Variants in POTEJ observed in about 807,000 individuals in gnomAD.
POTEJ encodes POTE ankyrin domain family, member J.
Under a neutral mutation model 69.0 loss-of-function variants are expected in POTEJ, and 11 were observed. The observed-to-expected ratio is 0.16, with a 90% CI of 0.10 to 0.26. The LOEUF (loss-of-function observed/expected upper bound fraction) is 0.26. POTEJ is among the 10% of genes least tolerant of loss of function. POTEJ has a pLI of 1.00. For synonymous variants in POTEJ, 117 were observed against 381.1 expected (o/e 0.31, Z 8.07); for missense variants, 327 against 1,045.5 (o/e 0.31, Z 9.48).
chr2:130,635,058 C>T (rs1404155296), intron 9 of POTEJ, among the ~76,000 whole-genome samples: 4 of 136,414 alleles, frequency 2.9e-5, no homozygotes, highest in African/African-American at 1.1e-4. Flanking sequence ...TTTCCTCCTG[C>T]ATTTCTAGTC....
At position 130,657,517 on chromosome 2, in the gene POTEJ, C is replaced by A. The variant is rs770768403; in HGVS notation, c.2757C>A (p.Arg919=). 8.3e-6 allele frequency: 13 copies of A among 1,568,646 alleles called. No individual in the cohort carries two copies. In the Admixed American group the frequency reaches 2.2e-4, roughly 27 times the overall value. The part of the protein sequence containing the change: ...QVITISNEWF[R]CPEALFQPCF... ...TCACCATCAGCAACGAGTGGTTCCG[C>A]TGCCCCGAGGCGCTCTTCCAGCCTT... Residue 919 remains arginine, a synonymous_variant, in exon 15 of 15, where the codon CGC becomes CGA. Transcript: ENST00000409602.
At chr2:130,624,387 G>C in intron 6 of POTEJ, among the ~76,000 whole-genome samples, 1 of 142,300 alleles carries the variant, frequency 7.0e-6, no homozygotes, top group Non-Finnish European at 1.5e-5. Context: ...GCAACTGGAT[G>C]GTCTCATCTG....
At chr2:130,640,561 G>A (rs1292230964) in intron 10 of POTEJ, among the ~76,000 whole-genome samples, 62 of 151,954 alleles carry the variant, frequency 4.1e-4, no homozygotes, top group East Asian at 1.9e-3. Context: ...TTTTATTCAC[G>A]TCTCCTTTCG....
At chr2:130,652,027 G>GT (rs1372932172) in intron 13 of POTEJ, among the ~76,000 whole-genome samples, 1 of 136,940 alleles carries the variant, frequency 7.3e-6, no homozygotes, top group Non-Finnish European at 1.5e-5. Flanking sequence ...ATGTCAAATT[G>GT]TAATTCCCAG....
Position 130,642,946 on chromosome 2 carries a change from A to G in POTEJ, c.1370-1037A>G, listed in dbSNP as rs1686446799. ...GTGTTCTAGAAAAGCCATCTCTGAC[A>G]GGCTTTATTTTAATTCTTTTTAAAC... On this transcript the variant is annotated intron_variant, in intron 10 of 14. Coordinates refer to ENST00000409602, the MANE Select transcript of POTEJ (RefSeq NM_001277083.2). 2.7e-5 allele frequency among the ~76,000 whole-genome samples: 4 copies of G among 150,446 alleles called. No homozygotes were observed. The South Asian group carries it at 8.4e-4, about 32-fold the overall frequency.
At chr2:130,636,507 G>C (rs1686098823) in intron 9 of POTEJ, among the ~76,000 whole-genome samples, 1 of 145,514 alleles carries the variant, frequency 6.9e-6, no homozygotes, top group Admixed American at 6.9e-5. Flanking sequence ...TCTCAGCAGA[G>C]ACTCTTCTGG....
chr2:130,630,638 A>C, intron 7 of POTEJ, among the ~76,000 whole-genome samples: 1 of 141,540 alleles, frequency 7.1e-6, no homozygotes, highest in Non-Finnish European at 1.5e-5. Context: ...AGGTCATAAA[A>C]GCAACACAGC....
chr2:130,625,527 A>T (rs1194144539), intron 6 of POTEJ, among the ~76,000 whole-genome samples: 3 of 151,752 alleles, frequency 2.0e-5, no homozygotes, highest in Non-Finnish European at 4.4e-5. Flanking sequence ...AAAAGTAGGT[A>T]TGATTTAAGG....
At chr2:130,647,123 T>C (rs1429753993) in intron 13 of POTEJ, among the ~76,000 whole-genome samples, 1 of 150,820 alleles carries the variant, frequency 6.6e-6, no homozygotes, top group East Asian at 1.9e-4. Flanking sequence ...CCCAAAATAA[T>C]GTATTATGCA....
chr2:130,631,974 A>G (rs910877777), intron 8 of POTEJ, among the ~76,000 whole-genome samples: 1 of 143,630 alleles, frequency 7.0e-6, no homozygotes, highest in Non-Finnish European at 1.5e-5. Flanking sequence ...CCAAATGAAA[A>G]AAGAATGCTC....
At chr2:130,634,134 T>A (rs1686005219) in intron 9 of POTEJ, among the ~76,000 whole-genome samples, 1 of 152,220 alleles carries the variant, frequency 6.6e-6, no homozygotes, top group African/African-American at 2.4e-5. Flanking sequence ...AATACTTGAC[T>A]TACAAAAACA....
chr2:130,640,995 C>G (rs1360137515), intron 10 of POTEJ, among the ~76,000 whole-genome samples: 3 of 151,832 alleles, frequency 2.0e-5, no homozygotes, highest in Non-Finnish European at 2.9e-5. Flanking sequence ...GGTTAGCAGG[C>G]TTTTTCTTTA....
In POTEJ at chr2:130,657,060, T is replaced by C. The variant is rs1481441001; in HGVS notation, c.2300T>C (p.Leu767Pro). 1 of 1,581,280 alleles carries C rather than the reference T, an allele frequency of 6.3e-7. No individual in the cohort carries two copies. The highest frequency in any genetic ancestry group is 2.2e-5 in the East Asian group (1 of 44,864). Residue 767 changes from leucine (L) to proline (P), a missense_variant, in exon 15 of 15, where the codon CTG becomes CCG. Transcript: ENST00000409602. The stretch of plus-strand genomic sequence containing the variant: ...GTGGCCCCCGAGGAGCACCCCATCC[T>C]GCTGACCGAGGCCCCCCTGAACCCC... ...LRVAPEEHPILLTEAPLNPKA... is the reference protein window; with the variant it reads ...LRVAPEEHPIPLTEAPLNPKA...
intron 13 of POTEJ, among the ~76,000 whole-genome samples, chr2:130,654,502 C>T (rs1209336670): frequency 7.0e-6 from 1 of 142,946 alleles, no homozygotes; most frequent in East Asian, 2.0e-4. Context: ...TTGTTCACTC[C>T]TTATGAGAAT....
At chr2:130,640,291 T>G (rs191515094) in intron 10 of POTEJ, among the ~76,000 whole-genome samples, 16 of 141,246 alleles carry the variant, frequency 1.1e-4, no homozygotes, top group Admixed American at 7.0e-4. Flanking sequence ...AGTTCACTTT[T>G]GGTATTACCA....
chr2:130,622,704 T>C (rs901831734), intron 5 of POTEJ: 3 of 148,170 alleles, frequency 2.0e-5, no homozygotes, highest in Non-Finnish European at 4.5e-5. Flanking sequence ...CTCAAGATTT[T>C]AAAATATTTT....
intron 5 of POTEJ, 68 bp from the exon 6 acceptor site, chr2:130,623,996 C>A: frequency 6.8e-7 from 1 of 1,464,454 alleles, no homozygotes; most frequent in Non-Finnish European, 9.2e-7. Flanking sequence ...CTTAATAATT[C>A]TGCATTTGGT....
At chr2:130,637,060 CAG>C (rs1686120001) in intron 9 of POTEJ, among the ~76,000 whole-genome samples, 1 of 141,594 alleles carries the variant, frequency 7.1e-6, no homozygotes, top group Non-Finnish European at 1.5e-5. Context: ...GCCTGGGTGA[CAG>C]AGCAAGACTC....
chr2:130,631,875 C>T (rs1283620656), intron 8 of POTEJ, among the ~76,000 whole-genome samples: 3 of 143,362 alleles, frequency 2.1e-5, no homozygotes, highest in African/African-American at 2.8e-5. Flanking sequence ...CATGCTTGCA[C>T]GTCAGCAGTT....
Sources: gnomAD v4.1 joint callset for allele counts (sites outside exome capture counted in the v4.1 genomes callset) on GRCh38, gnomAD v4.1.1 for gene constraint, MANE v1.5 for transcripts, NCBI Gene and HGNC (gene_info 2026-07-23, HGNC 2026-07-21) for gene names.